The following MEI1 variants were observed in gnomAD, a reference collection of about 807,000 sequenced individuals.
MEI1 encodes meiosis inhibitor protein 1.
MEI1 carries 103 observed loss-of-function variants against 146.2 expected under a neutral mutation model. The observed-to-expected ratio is 0.70, with a 90% CI of 0.60 to 0.83. The LOEUF (loss-of-function observed/expected upper bound fraction) is 0.83, where lower values mean the gene tolerates loss of function less well. MEI1 is among the 40% of genes least tolerant of loss of function. MEI1 has a pLI of 0.00. For synonymous variants in MEI1, 652 were observed against 628.2 expected (o/e 1.04, Z -0.57); for missense variants, 1,529 against 1,533.0 (o/e 1.00, Z 0.04).
In MEI1 at chr22:41,799,383, C is replaced by A; in HGVS notation, c.*84C>A. 1 of 1,335,842 alleles carries A rather than the reference C, an allele frequency of 7.5e-7. No individual in the cohort carries two copies. The highest frequency in any genetic ancestry group is 1.1e-6 in the Non-Finnish European group (1 of 933,240). 82.7% of individuals were successfully genotyped at this position (1,335,842 alleles called of 1,614,324 possible). ...TAATTGTTGGGGAAATGGATGACAGCTGAAGCTATTCATATGGAGCCATAT... is the reference window on the plus strand; with the variant it reads ...TAATTGTTGGGGAAATGGATGACAGATGAAGCTATTCATATGGAGCCATAT... On this transcript the variant is annotated 3_prime_UTR_variant, in exon 31 of 31. Coordinates refer to ENST00000401548, the MANE Select transcript of MEI1 (RefSeq NM_152513.4).
At chr22:41,731,999 C>G (rs2071906483) in intron 9 of MEI1, among the ~76,000 whole-genome samples, 1 of 152,082 alleles carries the variant, frequency 6.6e-6, no homozygotes, top group Admixed American at 6.6e-5. Flanking sequence ...AGTAGGTGTT[C>G]ACTGAAAACC....
chr22:41,754,500 C>G (rs56012192), intron 17 of MEI1, among the ~76,000 whole-genome samples: 1 of 152,098 alleles, frequency 6.6e-6, no homozygotes, highest in Non-Finnish European at 1.5e-5. Flanking sequence ...GTGGCATGAT[C>G]TCAGCTCACT....
chr22:41,752,907 G>A (rs1476984663), intron 16 of MEI1, among the ~76,000 whole-genome samples: 1 of 152,172 alleles, frequency 6.6e-6, no homozygotes, highest in Non-Finnish European at 1.5e-5. Context: ...GAGGCCTGGT[G>A]CAGTGGCTCA....
At chr22:41,714,595 G>C (rs2069917454) in intron 4 of MEI1, among the ~76,000 whole-genome samples, 1 of 152,058 alleles carries the variant, frequency 6.6e-6, no homozygotes, top group Non-Finnish European at 1.5e-5. Flanking sequence ...AGTTAGCCAG[G>C]CACAATGGCT....
chr22:41,703,543 A>G (rs2068866263), intron 2 of MEI1, 89 bp downstream of exon 2: 1 of 1,263,998 alleles, frequency 7.9e-7, no homozygotes, highest in African/African-American at 1.6e-5. Context: ...ATCTTAGATG[A>G]TTTAGGTTTT....
At chr22:41,767,506 G>T (rs546015947) in intron 19 of MEI1, 2 of 450,900 alleles carry the variant, frequency 4.4e-6, no homozygotes, top group African/African-American at 4.0e-5. Context: ...CCAGAGTGTG[G>T]GTGTCTCTGT....
intron 3 of MEI1, among the ~76,000 whole-genome samples, chr22:41,711,602 C>T (rs1350156877): frequency 6.6e-6 from 1 of 152,202 alleles, no homozygotes; most frequent in African/African-American, 2.4e-5. Context: ...AGGACTTGCT[C>T]CTTCCTCATG....
chr22:41,738,370 C>T (rs1052458213), intron 11 of MEI1, among the ~76,000 whole-genome samples: 5 of 152,040 alleles, frequency 3.3e-5, no homozygotes, highest in Non-Finnish European at 5.9e-5. Flanking sequence ...GGGCGGATCA[C>T]GAGGTCAGGA....
chr22:41,702,360 C>T (rs539736977), intron 1 of MEI1, among the ~76,000 whole-genome samples: 1 of 151,992 alleles, frequency 6.6e-6, no homozygotes, highest in Non-Finnish European at 1.5e-5. Flanking sequence ...AGGCTGGTCT[C>T]GAATGCCTGA....
At chr22:41,748,286 C>G (rs1457975416) in intron 15 of MEI1, 68 bp downstream of exon 15, 2 of 1,008,954 alleles carry the variant, frequency 2.0e-6, no homozygotes, top group East Asian at 2.4e-5. Flanking sequence ...AGAGAGTATT[C>G]AAAGAGAGGA....
intron 6 of MEI1, 54 bp downstream of exon 6, chr22:41,718,328 G>T: frequency 1.3e-6 from 2 of 1,546,706 alleles, no homozygotes; most frequent in Middle Eastern, 1.7e-4. Context: ...CATTTTGCTA[G>T]AAGACTTGAG....
At position 41,793,842 on chromosome 22, in the gene MEI1, T is replaced by C; in HGVS notation, c.3359T>C (p.Leu1120Ser). ...TTTTTTCTGCAGAAGGACCCTCTAT[T>C]GTCCCAGGCCTGTGTTGGCTGCCTG... ...QNLLVQKDPLLSQACVGCLEA... is the reference protein window; with the variant it reads ...QNLLVQKDPLSSQACVGCLEA... Residue 1120 changes from leucine to serine, a missense_variant, in exon 27 of 31, where the codon TTG (leucine) becomes TCG (serine). Physicochemically the swap from Leu to Ser is moderately radical, Grantham distance 145. Coordinates refer to ENST00000401548, the MANE Select transcript of MEI1 (RefSeq NM_152513.4). 1 of 1,609,054 alleles carries C rather than the reference T, an allele frequency of 6.2e-7. No homozygotes were observed. Among genetic ancestry groups the C allele is most frequent in the South Asian group, 1.1e-5 (1 of 90,112 alleles).
intron 20 of MEI1, among the ~76,000 whole-genome samples, chr22:41,772,119 C>T (rs951937816): frequency 1.3e-5 from 2 of 152,194 alleles, no homozygotes; most frequent in Non-Finnish European, 2.9e-5. Context: ...TACTCCTAGG[C>T]TACAAACCTG....
At chr22:41,763,510 C>T (rs995168574) in intron 19 of MEI1, among the ~76,000 whole-genome samples, 189 bp downstream of exon 19, 1 of 105,354 alleles carries the variant, frequency 9.5e-6, no homozygotes, top group African/African-American at 4.4e-5. Context: ...CTAATTATCT[C>T]AGCCTTCCTG....
At position 41,745,081 on chromosome 22, in the gene MEI1, G is replaced by C. The variant is rs1470436922; in HGVS notation, c.1538+17G>C. 1 of 1,500,788 alleles carries C rather than the reference G, an allele frequency of 6.7e-7. No individual in the cohort carries two copies. The highest frequency in any genetic ancestry group is 1.4e-5 in the African/African-American group (1 of 71,128). The allele number at this position is 1,500,788 out of a possible 1,614,324, so 93.0% of individuals were successfully genotyped here. A position where few individuals can be genotyped will look rare whatever the true frequency, so the allele number is the denominator to read the frequency against. On this transcript the variant is annotated intron_variant, in intron 13 of 30. Transcript: ENST00000401548. ...TGCCTGCAGGTGAGGGGCCCTCTGA[G>C]GTATGAAGTAATAGCATGGAAGGTA...
chr22:41,789,125 C>T (rs1371485984), intron 26 of MEI1, among the ~76,000 whole-genome samples: 3 of 152,158 alleles, frequency 2.0e-5, no homozygotes, highest in Admixed American at 6.5e-5. Context: ...GCCTGGCCAA[C>T]AGGGTGAAAC....
chr22:41,758,322 C>G (rs1468579868), intron 17 of MEI1, 43 bp from the exon 18 acceptor site: 1 of 1,585,532 alleles, frequency 6.3e-7, no homozygotes, highest in South Asian at 1.1e-5. Context: ...ACCTGTTCTT[C>G]TATGTTCTCT....
Position 41,699,611 on chromosome 22 carries a change from G to A in MEI1, c.73G>A (p.Glu25Lys), listed in dbSNP as rs920642758. 1.9e-6 allele frequency: 3 copies of A among 1,612,280 alleles called. No individual in the cohort carries two copies. The highest frequency in any genetic ancestry group is 2.2e-5 in the South Asian group (2 of 90,972). The change falls in exon 1 of 31, where the codon GAG (glutamate) becomes AAG (lysine). Residue 25 changes from glutamate (E) to lysine (K), a missense_variant. Around this residue, in one of 3 missense-constraint regions of MEI1, gnomAD observed 1,212 missense variants for 1,178.9 expected, o/e 1.03. Transcript: ENST00000401548. ...RREEEAALLF[E>K]RAHYRHDPRW... is the part of the protein sequence containing the mutation. Reference sequence around the variant, plus strand: ...AGAGGAAGAGGCGGCGCTTCTATTCGAGAGGGCCCATTACCGGCACGACCC... The same window carrying A: ...AGAGGAAGAGGCGGCGCTTCTATTCAAGAGGGCCCATTACCGGCACGACCC...
intron 11 of MEI1, among the ~76,000 whole-genome samples, chr22:41,735,473 A>T (rs1291856615): frequency 8.6e-5 from 13 of 152,044 alleles, no homozygotes; most frequent in Non-Finnish European, 1.5e-5. Context: ...ACCTCAGGTG[A>T]TCCCCCACCT....
Sources: allele counts gnomAD v4.1 joint callset (sites outside exome capture counted in the v4.1 genomes callset), GRCh38; gene constraint gnomAD v4.1.1; regional missense constraint gnomAD v4.1.1; transcripts MANE v1.5; gene names NCBI Gene and HGNC (gene_info 2026-07-23, HGNC 2026-07-21).